DGKD: variants seen among roughly 807,000 people sequenced by gnomAD.
DGKD encodes diacylglycerol kinase delta, also known as DAG kinase delta.
Under a neutral mutation model 154.4 loss-of-function variants are expected in DGKD, and 68 were observed. That is an observed-to-expected ratio of 0.44 (90% CI 0.36 to 0.54). DGKD has a LOEUF of 0.54. Ranked by LOEUF, DGKD falls within the 20% of genes least tolerant of loss-of-function variation. The pLI, the probability that DGKD is intolerant of heterozygous loss-of-function variation, is 0.00. For missense variants in DGKD, 1,343 were observed against 1,593.6 expected (o/e 0.84, Z 2.68); for synonymous variants, 693 against 638.0 (o/e 1.09, Z -1.30).
intron 24 of DGKD, 86 bp downstream of exon 24, chr2:233,460,431 C>T (rs1417883831): frequency 1.3e-6 from 2 of 1,508,722 alleles, no homozygotes; most frequent in East Asian, 2.4e-5. Context: ...GGGCGTGGAG[C>T]TGCTGCTCCT....
intron 19 of DGKD, among the ~76,000 whole-genome samples, 197 bp from the exon 20 acceptor site, chr2:233,456,702 T>C (rs1462727913): frequency 2.0e-5 from 3 of 152,200 alleles, no homozygotes; most frequent in African/African-American, 7.2e-5. Flanking sequence ...TTGAGCAAAA[T>C]TTCCTATTGG....
Position 233,464,384 on chromosome 2 carries a change from C to G in DGKD, c.3306+101C>G, listed in dbSNP as rs1471150565. 3 of 1,475,774 alleles carry G rather than the reference C, an allele frequency of 2.0e-6. No homozygotes were observed. The South Asian group carries it at 3.7e-5, about 18-fold the overall frequency. The allele number at this position is 1,475,774 out of a possible 1,614,324, so 91.4% of individuals were successfully genotyped here. On this transcript the variant is annotated intron_variant, in intron 27 of 29. Coordinates refer to ENST00000264057, the MANE Select transcript of DGKD (RefSeq NM_152879.3). ...ACCCGTGTGGCTCTGGGATCAAGATCGTGTCGCTCCGGCAGCCCCTGAGGG... is the reference window on the plus strand; with the variant it reads ...ACCCGTGTGGCTCTGGGATCAAGATGGTGTCGCTCCGGCAGCCCCTGAGGG...
intron 1 of DGKD, among the ~76,000 whole-genome samples, chr2:233,363,101 A>G (rs1380497033): frequency 1.3e-5 from 2 of 152,228 alleles, no homozygotes; most frequent in Non-Finnish European, 2.9e-5. Context: ...ACTTATAGAA[A>G]AAAGAAAAAC....
intron 1 of DGKD, among the ~76,000 whole-genome samples, chr2:233,358,531 C>T (rs1259542065): frequency 6.6e-6 from 1 of 152,210 alleles, no homozygotes; most frequent in Admixed American, 6.5e-5. Flanking sequence ...ACCATCACCA[C>T]AGTCAATTTT....
chr2:233,435,749 A>G, intron 5 of DGKD, 69 bp from the exon 6 acceptor site: 1 of 1,475,068 alleles, frequency 6.8e-7, no homozygotes, highest in Non-Finnish European at 9.2e-7. Flanking sequence ...GGTTCTCACA[A>G]CACTGCTCAG....
At position 233,458,176 on chromosome 2, in the gene DGKD, T is replaced by C; in HGVS notation, c.2581-108T>C. 1.6e-6 allele frequency: 1 copy of C among 642,338 alleles called. No individual in the cohort carries two copies. Among genetic ancestry groups the C allele is most frequent in the Non-Finnish European group, 2.7e-6 (1 of 364,360 alleles). The allele number at this position is 642,338 out of a possible 1,614,324, so 39.8% of individuals were successfully genotyped here. On this transcript the variant is annotated intron_variant, in intron 21 of 29. Transcript: ENST00000264057. The surrounding 1 kb of genome is among the most constrained non-coding windows in gnomAD (Gnocchi z 6.6). ...TCAGGAGTGCAGTTACCTGGTAACT[T>C]CTCGCCAGCTAGGAGGGGCTGACCC...
chr2:233,355,240 C>CGT (rs1486747448), intron 1 of DGKD, among the ~76,000 whole-genome samples: 1 of 152,174 alleles, frequency 6.6e-6, no homozygotes, highest in Non-Finnish European at 1.5e-5. Flanking sequence ...GTTCAGTGAC[C>CGT]GTCTCTCTCA....
intron 3 of DGKD, among the ~76,000 whole-genome samples, chr2:233,427,886 C>T (rs1319249954): frequency 6.6e-6 from 1 of 152,220 alleles, no homozygotes; most frequent in African/African-American, 2.4e-5. Flanking sequence ...GAGCATCTCC[C>T]TGCACCCTGC....
In DGKD at chr2:233,458,514, C is replaced by T. The variant is rs965062569; in HGVS notation, c.2694+117C>T. Reference sequence around the variant, plus strand: ...GCTTTCCAGGGCCATGTGGCTGCCTCATGTCCTGTCCTGGACAGCTCGTGG... The same window carrying T: ...GCTTTCCAGGGCCATGTGGCTGCCTTATGTCCTGTCCTGGACAGCTCGTGG... On this transcript the variant is annotated intron_variant, in intron 22 of 29. Transcript: ENST00000264057. The surrounding 1 kb of genome is among the most constrained non-coding windows in gnomAD (Gnocchi z 6.6). 1 of 713,466 alleles carries T rather than the reference C, an allele frequency of 1.4e-6. No homozygotes were observed. Among genetic ancestry groups the T allele is most frequent in the Non-Finnish European group, 2.4e-6 (1 of 417,528 alleles). 44.2% of individuals were successfully genotyped at this position (713,466 alleles called of 1,614,324 possible). A position where few individuals can be genotyped will look rare whatever the true frequency, so the allele number is the denominator to read the frequency against.
chr2:233,460,139 G>T, intron 23 of DGKD, 55 bp from the exon 24 acceptor site: 3 of 1,594,928 alleles, frequency 1.9e-6, no homozygotes, highest in Non-Finnish European at 2.6e-6. Flanking sequence ...AGTGTCTGTC[G>T]CAGTCAGATG....
At chr2:233,369,631 G>A (rs1702210539) in intron 1 of DGKD, among the ~76,000 whole-genome samples, 1 of 152,092 alleles carries the variant, frequency 6.6e-6, no homozygotes, top group South Asian at 2.1e-4. Context: ...TCCTTGAATG[G>A]CGTTTGCCAG....
intron 7 of DGKD, 80 bp downstream of exon 7, chr2:233,436,521 G>A (rs767802478): frequency 7.0e-5 from 107 of 1,520,792 alleles, no homozygotes; most frequent in Middle Eastern, 6.1e-4. Flanking sequence ...GGCTCCGCAT[G>A]ATCTGCTGGA....
At chr2:233,467,453 G>A (rs1310695950) in intron 28 of DGKD, among the ~76,000 whole-genome samples, 1 of 152,170 alleles carries the variant, frequency 6.6e-6, no homozygotes, top group Non-Finnish European at 1.5e-5. Context: ...TGAGTTGGGG[G>A]ATTCGAGGTG....
At chr2:233,416,833 T>A (rs2061971584) in intron 3 of DGKD, among the ~76,000 whole-genome samples, 1 of 152,160 alleles carries the variant, frequency 6.6e-6, no homozygotes, top group South Asian at 2.1e-4. Flanking sequence ...CTGCTGTGGT[T>A]TGTTTCTCTA....
rs1425888163 is a variant in DGKD at position 233,454,755 on chromosome 2, C to G, written c.2265-8C>G. ...CTGTTGTAATTGATTTAAAACTCAC[C>G]TTTGCAGAGAGTATTACACGGAGAA... On this transcript the variant is annotated splice_region_variant and splice_polypyrimidine_tract_variant and intron_variant, in intron 18 of 29. Transcript: ENST00000264057. 6.4e-7 allele frequency: 1 copy of G among 1,567,182 alleles called. No homozygotes were observed. Among genetic ancestry groups the G allele is most frequent in the Non-Finnish European group, 8.8e-7 (1 of 1,137,766 alleles).
At chr2:233,368,135 A>T (rs1702128993) in intron 1 of DGKD, among the ~76,000 whole-genome samples, 1 of 152,136 alleles carries the variant, frequency 6.6e-6, no homozygotes, top group East Asian at 1.9e-4. Context: ...TTTTATTATA[A>T]GAGTTTTTAA....
chr2:233,386,137 G>A (rs1703162939), intron 1 of DGKD: 1 of 317,318 alleles, frequency 3.2e-6, no homozygotes, highest in South Asian at 2.4e-5. Flanking sequence ...AACTTTTCTG[G>A]GTTTTGGGTT....
intron 11 of DGKD, 121 bp from the exon 12 acceptor site, chr2:233,446,590 TA>T: frequency 1.0e-6 from 1 of 993,846 alleles, no homozygotes; most frequent in African/African-American, 1.6e-5. Context: ...ACCAAGGGCC[TA>T]AAAATGAAGT....
intron 1 of DGKD, among the ~76,000 whole-genome samples, chr2:233,377,078 C>CTTTTTT (rs755610624): frequency 2.3e-5 from 3 of 129,314 alleles, no homozygotes; most frequent in African/African-American, 6.0e-5. Context: ...TAGCATGTTC[C>CTTTTTT]TTTTTTTTTT....
Sources: gnomAD v4.1 joint callset for allele counts (sites outside exome capture counted in the v4.1 genomes callset) on GRCh38, gnomAD v4.1.1 for gene constraint, Gnocchi (gnomAD v3.1) non-coding constraint, MANE v1.5 for transcripts, NCBI Gene and HGNC (gene_info 2026-07-23, HGNC 2026-07-21) for gene names.